Variants in TPT1 observed in about 807,000 individuals in gnomAD.
TPT1 encodes tumor protein, translationally-controlled 1, also known as translationally-controlled tumor protein.
Under a neutral mutation model 22.8 loss-of-function variants are expected in TPT1, and 5 were observed. That is an observed-to-expected ratio of 0.22 (90% CI 0.11 to 0.46). The LOEUF is 0.46. Among genes scored for constraint, TPT1 ranks in the 20% least tolerant of loss-of-function variants. The probability of loss-of-function intolerance (pLI) is 0.99; values close to 1 mark genes in which losing one functional copy is unlikely to be tolerated. For synonymous variants in TPT1, 89 were observed against 73.6 expected, an observed-to-expected ratio of 1.21 and a Z score of -1.07; for missense variants, 130 against 218.7, an observed-to-expected ratio of 0.59 and a Z score of 2.56.
intron 2 of TPT1, 100 bp from the exon 3 acceptor site, chr13:45,340,284 C>A (rs1879003120): frequency 7.1e-7 from 1 of 1,415,060 alleles, no homozygotes; most frequent in Non-Finnish European, 9.7e-7. Context: ...TTAGTTCTTG[C>A]TGAAAATAAA....
rs1457061591 is a variant in TPT1, at chr13:45,340,120, C to T, written c.167G>A (p.Gly56Asp). 3.7e-6 allele frequency: 6 copies of T among 1,614,038 alleles called. No individual in the cohort carries two copies. The highest frequency in any genetic ancestry group is 4.2e-6 in the Non-Finnish European group (5 of 1,180,024). Residue 56 changes from glycine (G) to aspartate (D), a missense_variant, in exon 3 of 6, where the codon GGC becomes GAC. By Grantham distance (94) the Gly-to-Asp change is moderately conservative. Transcript: ENST00000530705. ...GCTTTCGGTACCTTCGCCCTCGGGGCCTTCAGCGGAGGCATTTCCACCAAT... is the reference window on the plus strand; with the variant it reads ...GCTTTCGGTACCTTCGCCCTCGGGGTCTTCAGCGGAGGCATTTCCACCAAT... ...SLIGGNASAEGPEGEGTESTV... is the reference protein window; with the variant it reads ...SLIGGNASAEDPEGEGTESTV...
chr13:45,341,154 C>T lies in TPT1; in HGVS notation c.-85G>A. ...CGAGCGCGGTGCAGCCGGAGCGGCG[C>T]TCGGGGGGAGGGGGGAGCGGGCGGA... is the stretch of plus-strand genomic sequence containing the variant. On this transcript the variant is annotated 5_prime_UTR_variant, in exon 1 of 6. Transcript: ENST00000530705. 2 of 1,573,270 alleles carry T rather than the reference C, an allele frequency of 1.3e-6. No individual in the cohort carries two copies. Among genetic ancestry groups the T allele is most frequent in the Non-Finnish European group, 1.7e-6 (2 of 1,158,540 alleles).
chr13:45,338,980 C>T (rs1208531060), intron 4 of TPT1: 2 of 470,232 alleles, frequency 4.3e-6, no homozygotes, highest in East Asian at 3.5e-5. Context: ...AAATAACGTA[C>T]AGAGCAATCC....
Position 45,340,708 on chromosome 13 carries a change from T to C in TPT1, c.102+4A>G. 6.5e-7 allele frequency: 1 copy of C among 1,541,028 alleles called. No individual in the cohort carries two copies. The highest frequency in any genetic ancestry group is 8.7e-7 in the Non-Finnish European group (1 of 1,143,792). ...TCCCCCACGCGCAGGCCCGACCGACTCACCTTCCCCTCCACCTCCAGGCAC... is the reference window on the plus strand; with the variant it reads ...TCCCCCACGCGCAGGCCCGACCGACCCACCTTCCCCTCCACCTCCAGGCAC... On this transcript the variant is annotated splice_donor_region_variant and intron_variant, in intron 2 of 5. Coordinates refer to ENST00000530705, the MANE Select transcript of TPT1 (RefSeq NM_003295.4).
At chr13:45,337,786 G>A (rs895817127) in intron 5 of TPT1, among the ~76,000 whole-genome samples, 2 of 152,170 alleles carry the variant, frequency 1.3e-5, no homozygotes, top group Non-Finnish European at 2.9e-5. Context: ...GTTCAGTATA[G>A]CTTTATGTTT....
In TPT1 at chr13:45,339,500, G is replaced by A. The variant is rs775435717; in HGVS notation, c.396C>T (p.Tyr132=). 1.2e-6 allele frequency: 2 copies of A among 1,611,980 alleles called. 1 individual carries two copies. The highest frequency in any genetic ancestry group is 2.2e-5 in the South Asian group (2 of 90,312). The change falls in exon 4 of 6, where the codon TAC becomes TAT. Residue 132 remains tyrosine (Y), a synonymous_variant. Transcript: ENST00000530705. ...IKHILANFKN[Y]QFFIGENMNP... ...TCCAGATACTTAAGGTATTTACCTG[G>A]TAGTTTTTGAAATTAGCAAGGATGT...
In TPT1 at chr13:45,338,706, G is replaced by A; in HGVS notation, c.470C>T (p.Thr157Ile). ...ATCCTTAAAGAAAATCATATATGGGGTCACACCATCCTCACGGTAGTCCAA... is the reference window on the plus strand; with the variant it reads ...ATCCTTAAAGAAAATCATATATGGGATCACACCATCCTCACGGTAGTCCAA... ...ALLDYREDGV[T>I]PYMIFFKDGL... Residue 157 changes from threonine (T) to isoleucine (I), a missense_variant, in exon 5 of 6, where the codon ACC (threonine) becomes ATC (isoleucine). Coordinates refer to ENST00000530705, the MANE Select transcript of TPT1 (RefSeq NM_003295.4). 6.2e-7 allele frequency: 1 copy of A among 1,613,038 alleles called. No homozygotes were observed. Among genetic ancestry groups the A allele is most frequent in the African/African-American group, 1.3e-5 (1 of 74,902 alleles).
At chr13:45,340,242 C>G (rs1156928508) in intron 2 of TPT1, 58 bp from the exon 3 acceptor site, 17 of 1,549,928 alleles carry the variant, frequency 1.1e-5, no homozygotes, top group Middle Eastern at 1.7e-4. Flanking sequence ...AAAGCACCTT[C>G]CACGCCAATA....
At chr13:45,339,877 T>C (rs1243766474) in intron 3 of TPT1, 117 bp downstream of exon 3, 4 of 1,199,704 alleles carry the variant, frequency 3.3e-6, no homozygotes, top group Middle Eastern at 2.0e-4. Context: ...AACTCATTAA[T>C]AAAAAAGCAA....
rs1566178333 is a variant in TPT1 at position 45,341,085 on chromosome 13, G to GA, written c.-17dup. On this transcript the variant is annotated 5_prime_UTR_variant, in exon 1 of 6. Coordinates refer to ENST00000530705, the MANE Select transcript of TPT1 (RefSeq NM_003295.4). ...AGATAATCATGATGGCGACTGAAGG[G>GA]AGACGACGACGGCGCTAGCTTAGCA... 5 of 1,613,036 alleles carry GA rather than the reference G, an allele frequency of 3.1e-6. No homozygotes were observed. Among genetic ancestry groups the GA allele is most frequent in the Non-Finnish European group, 4.2e-6 (5 of 1,179,436 alleles).
rs558258469 is a variant in TPT1, at chr13:45,335,590, G to C, written c.*1796C>G. ...ATTTCAGAGGACAAAAGGCCCTGTA[G>C]ATGAGACTCACACTTTTCATTACAA... is the stretch of plus-strand genomic sequence containing the variant. On this transcript the variant is annotated 3_prime_UTR_variant, in exon 6 of 6. Coordinates refer to ENST00000530705, the MANE Select transcript of TPT1 (RefSeq NM_003295.4). The C allele has an allele frequency of 6.6e-6, 1 of 152,146 alleles. No individual in the cohort carries two copies. Among genetic ancestry groups the C allele is most frequent in the Non-Finnish European group, 1.5e-5 (1 of 68,040 alleles). The allele number at this position is 152,146 out of a possible 1,614,324, so 9.4% of individuals were successfully genotyped here.
Position 45,340,573 on chromosome 13 carries a change from T to C in TPT1, c.102+139A>G, listed in dbSNP as rs1308027409. On this transcript the variant is annotated intron_variant, in intron 2 of 5. Transcript: ENST00000530705. Reference sequence around the variant, plus strand: ...AGGATCAGCTCCGCCTCCAGTTTTCTAGAAAAACCCAAGCCCGGAAAGAGC... The same window carrying C: ...AGGATCAGCTCCGCCTCCAGTTTTCCAGAAAAACCCAAGCCCGGAAAGAGC... 9.2e-6 allele frequency: 10 copies of C among 1,092,108 alleles called. No homozygotes were observed. The African/African-American group carries it at 9.3e-5, about 10-fold the overall frequency. The allele number at this position is 1,092,108 out of a possible 1,614,324, so 67.7% of individuals were successfully genotyped here. A position where few individuals can be genotyped will look rare whatever the true frequency, so the allele number is the denominator to read the frequency against.
chr13:45,337,609 G>T, intron 5 of TPT1: 1 of 1,571,972 alleles, frequency 6.4e-7, no homozygotes, highest in South Asian at 1.1e-5. Flanking sequence ...AGTGGATGCA[G>T]AACACCCTTA....
At chr13:45,340,440 A>G (rs1593558448) in intron 2 of TPT1, 2 of 737,684 alleles carry the variant, frequency 2.7e-6, no homozygotes, top group Admixed American at 2.0e-5. Context: ...CCGGTTGGTA[A>G]GTGGGGACAG....
chr13:45,339,836 T>C (rs937252383), intron 3 of TPT1, 158 bp downstream of exon 3: 3 of 844,654 alleles, frequency 3.6e-6, no homozygotes, highest in Non-Finnish European at 5.4e-6. Flanking sequence ...AGTATGCTCA[T>C]ATTATAGAAA....
chr13:45,339,811 CAG>C (rs1009533634), intron 3 of TPT1, 181 bp downstream of exon 3: 27 of 761,360 alleles, frequency 3.5e-5, no homozygotes, highest in Non-Finnish European at 5.6e-5. Context: ...TAAACGGAAA[CAG>C]ACTGCAGGCT....
intron 1 of TPT1, 100 bp downstream of exon 1, chr13:45,340,942 G>T: frequency 6.5e-7 from 1 of 1,539,936 alleles, no homozygotes; most frequent in South Asian, 1.2e-5. Flanking sequence ...GGCTAAGACC[G>T]CCGGCGTCCC....
intron 5 of TPT1, among the ~76,000 whole-genome samples, chr13:45,337,815 A>T (rs1173159742): frequency 6.6e-6 from 1 of 152,202 alleles, no homozygotes; most frequent in African/African-American, 2.4e-5. Flanking sequence ...CCTTATACAG[A>T]AGCCTATGAA....
chr13:45,341,161 G>A lies in TPT1; in HGVS notation c.-92C>T, dbSNP rs1243522910. ...GGTGCAGCCGGAGCGGCGCTCGGGG[G>A]GAGGGGGGAGCGGGCGGAAAAGGCC... On this transcript the variant is annotated 5_prime_UTR_variant, in exon 1 of 6. Transcript: ENST00000530705. The A allele has an allele frequency of 8.3e-6, 13 of 1,558,228 alleles. No individual in the cohort carries two copies. Among genetic ancestry groups the A allele is most frequent in the African/African-American group, 4.1e-5 (3 of 73,466 alleles).
Sources: gnomAD v4.1 joint callset for allele counts (sites outside exome capture counted in the v4.1 genomes callset) on GRCh38, gnomAD v4.1.1 for gene constraint, MANE v1.5 for transcripts, NCBI Gene and HGNC (gene_info 2026-07-23, HGNC 2026-07-21) for gene names.